ZNF136: variants seen among roughly 807,000 people sequenced by gnomAD.
ZNF136 encodes the protein zinc finger protein 136.
In ZNF136, 8 loss-of-function variants were observed where a neutral mutation model predicts 11.4. That is an observed-to-expected ratio of 0.70 (90% CI 0.41 to 1.27). ZNF136 has a LOEUF of 1.27. ZNF136 is among the 50% of genes most tolerant of loss of function. The pLI is 0.01. For missense variants in ZNF136, 590 were observed against 656.5 expected (o/e 0.90, Z 1.11); for synonymous variants, 190 against 207.1 (o/e 0.92, Z 0.71).
intron 1 of ZNF136, among the ~76,000 whole-genome samples, chr19:12,166,286 T>G (rs1282082051): frequency 6.6e-6 from 1 of 152,194 alleles, no homozygotes; most frequent in Admixed American, 6.5e-5. Context: ...TTTCTTTTAT[T>G]CTTTCCCAGA....
Position 12,187,653 on chromosome 19 carries a change from TG to T in ZNF136, c.1277del (p.Gly426ValfsTer43), listed in dbSNP as rs1915149677. 1 of 1,613,996 alleles carries T rather than the reference TG, an allele frequency of 6.2e-7. No individual in the cohort carries two copies. Among genetic ancestry groups the T allele is most frequent in the African/African-American group, 1.3e-5 (1 of 74,900 alleles). On this transcript the variant is annotated frameshift_variant, in exon 4 of 4. Transcript: ENST00000343979. LOFTEE classifies it low-confidence loss of function (END_TRUNC). ...AGAAACCTTATGTATGTAAACATTG[TG>T]GTAAAGCTTTCGTTTCTTCAACATC... ...GEKPYVCKHC[G>X]KAFVSSTSIR...
chr19:12,172,669 G>A (rs1828759437), intron 1 of ZNF136, among the ~76,000 whole-genome samples: 2 of 152,150 alleles, frequency 1.3e-5, no homozygotes, highest in African/African-American at 2.4e-5. Flanking sequence ...GGTGAGACTC[G>A]GAGGAGACAA....
At chr19:12,186,502 C>A in intron 3 of ZNF136, 68 bp from the exon 4 acceptor site, 2 of 1,299,606 alleles carry the variant, frequency 1.5e-6, no homozygotes, top group Non-Finnish European at 2.1e-6. Flanking sequence ...ATTGAAAATG[C>A]AAGTTTAATA....
At chr19:12,180,876 G>A (rs1914922366) in intron 1 of ZNF136, among the ~76,000 whole-genome samples, 1 of 152,252 alleles carries the variant, frequency 6.6e-6, no homozygotes, top group African/African-American at 2.4e-5. Flanking sequence ...TGCATACGGT[G>A]TGTGCTAGAA....
At chr19:12,180,055 A>C (rs1325092742) in intron 1 of ZNF136, among the ~76,000 whole-genome samples, 1 of 151,910 alleles carries the variant, frequency 6.6e-6, no homozygotes, top group African/African-American at 2.4e-5. Flanking sequence ...TTTAGTAGAG[A>C]CGGGGTTTCA....
chr19:12,168,446 A>T (rs1028690775), intron 1 of ZNF136, among the ~76,000 whole-genome samples: 3 of 152,042 alleles, frequency 2.0e-5, no homozygotes, highest in Non-Finnish European at 4.4e-5. Flanking sequence ...AAATTCTGGA[A>T]TGAAGACATT....
rs1307233731 is a variant in ZNF136 at position 12,187,952 on chromosome 19, C to T, written c.1574C>T (p.Thr525Ile). 6.4e-7 allele frequency: 1 copy of T among 1,552,312 alleles called. No individual in the cohort carries two copies. Reference sequence around the variant, plus strand: ...GCCAGCTTTCAGAGACACATGTTAACACATGCTGAAGATGGACCACCTTAT... The same window carrying T: ...GCCAGCTTTCAGAGACACATGTTAATACATGCTGAAGATGGACCACCTTAT... ...CRASFQRHML[T>I]HAEDGPPYKC... The change falls in exon 4 of 4, where the codon ACA becomes ATA. Residue 525 changes from threonine to isoleucine, a missense_variant. Transcript: ENST00000343979.
At chr19:12,168,367 C>T (rs1017580754) in intron 1 of ZNF136, among the ~76,000 whole-genome samples, 1 of 151,920 alleles carries the variant, frequency 6.6e-6, no homozygotes, top group African/African-American at 2.4e-5. Flanking sequence ...AGCCACCACG[C>T]CCCCGACAAG....
chr19:12,175,063 G>T (rs552866948), intron 1 of ZNF136, among the ~76,000 whole-genome samples: 21 of 152,040 alleles, frequency 1.4e-4, no homozygotes, highest in Non-Finnish European at 2.4e-4. Flanking sequence ...TCGCCATATT[G>T]ACTAGCTCCA....
chr19:12,180,396 G>A (rs745335801), intron 1 of ZNF136, among the ~76,000 whole-genome samples: 12 of 152,200 alleles, frequency 7.9e-5, no homozygotes, highest in Non-Finnish European at 1.3e-4. Context: ...AGGCACTGAA[G>A]GCTCTGATAT....
rs1328674724 is a variant in ZNF136 at position 12,188,286 on chromosome 19, T to C, written c.*285T>C. 7 of 265,750 alleles carry C rather than the reference T, an allele frequency of 2.6e-5. No homozygotes were observed. The highest frequency in any genetic ancestry group is 5.0e-5 in the Non-Finnish European group (7 of 140,806). The allele number at this position is 265,750 out of a possible 1,614,324, so 16.5% of individuals were successfully genotyped here. The stretch of plus-strand genomic sequence containing the variant: ...GGTAAAGGGTGTAGGAAAGGTTTTG[T>C]CATCACACAACCCTGTCACACATGA... On this transcript the variant is annotated 3_prime_UTR_variant, in exon 4 of 4. Coordinates refer to ENST00000343979, the MANE Select transcript of ZNF136 (RefSeq NM_003437.5).
chr19:12,168,712 G>T (rs1178909450), intron 1 of ZNF136, among the ~76,000 whole-genome samples: 2 of 150,776 alleles, frequency 1.3e-5, no homozygotes, highest in Admixed American at 1.3e-4. Flanking sequence ...TTTCACTCTT[G>T]TTGCCCAGGC....
At position 12,187,620 on chromosome 19, in the gene ZNF136, C is replaced by T. The variant is rs985754805; in HGVS notation, c.1242C>T (p.His414=). Residue 414 remains histidine (H), a synonymous_variant, in exon 4 of 4, where the codon CAC becomes CAT. Coordinates refer to ENST00000343979, the MANE Select transcript of ZNF136 (RefSeq NM_003437.5). ...CATTTCGAATACATGAAAGAACTCACACTGGAGAGAAACCTTATGTATGTA... is the reference window on the plus strand; with the variant it reads ...CATTTCGAATACATGAAAGAACTCATACTGGAGAGAAACCTTATGTATGTA... The part of the protein sequence containing the change: ...LSPFRIHERT[H]TGEKPYVCKH... The T allele has an allele frequency of 1.9e-6, 3 of 1,614,068 alleles. No individual in the cohort carries two copies. In the East Asian group the frequency reaches 6.7e-5, roughly 36 times the overall value.
chr19:12,177,888 G>T (rs1023096410), intron 1 of ZNF136, among the ~76,000 whole-genome samples: 1 of 152,088 alleles, frequency 6.6e-6, no homozygotes, highest in Admixed American at 6.6e-5. Context: ...CAGGTGGATT[G>T]CCAGATCTCG....
chr19:12,163,481 T>G (rs111529311), intron 1 of ZNF136, among the ~76,000 whole-genome samples: 24 of 152,222 alleles, frequency 1.6e-4, no homozygotes, highest in African/African-American at 5.8e-4. Flanking sequence ...CACGCGAGGG[T>G]CATGGGGTGG....
rs555384154 is a variant in ZNF136, at chr19:12,176,373, T to C, written c.4-9412T>C. Among the ~76,000 whole-genome samples the C allele has an allele frequency of 9.0e-4, 137 of 152,060 alleles. 1 individual carries two copies. In the East Asian group the frequency reaches 0.022, roughly 25 times the overall value. On this transcript the variant is annotated intron_variant, in intron 1 of 3. Transcript: ENST00000343979. The stretch of plus-strand genomic sequence containing the variant: ...TGGAGTTTCGCTCTTGTTGCCCAGG[T>C]GGGACTGCAGTGGCGGGATCTCGGC...
intron 1 of ZNF136, among the ~76,000 whole-genome samples, chr19:12,175,406 G>A (rs1914766235): frequency 6.6e-6 from 1 of 151,962 alleles, no homozygotes; most frequent in African/African-American, 2.4e-5. Flanking sequence ...TGTTGGCCAG[G>A]CTCGTCTCAA....
At chr19:12,175,397 G>A (rs1359311762) in intron 1 of ZNF136, among the ~76,000 whole-genome samples, 1 of 152,030 alleles carries the variant, frequency 6.6e-6, no homozygotes, top group East Asian at 1.9e-4. Context: ...GTTTTGCCAT[G>A]TTGGCCAGGC....
At chr19:12,181,178 C>T (rs1429716393) in intron 1 of ZNF136, among the ~76,000 whole-genome samples, 2 of 152,192 alleles carry the variant, frequency 1.3e-5, no homozygotes, top group East Asian at 1.9e-4. Flanking sequence ...CAGGAGACCC[C>T]GAAGATGGGA....
Sources: allele counts gnomAD v4.1 joint callset (sites outside exome capture counted in the v4.1 genomes callset), GRCh38; gene constraint gnomAD v4.1.1; transcripts MANE v1.5; gene names NCBI Gene and HGNC (gene_info 2026-07-23, HGNC 2026-07-21).